EIF4A2: variants seen among roughly 807,000 people sequenced by gnomAD.
The protein encoded by EIF4A2 is eukaryotic translation initiation factor 4A2.
EIF4A2 carries 9 observed loss-of-function variants against 50.6 expected under a neutral mutation model. The ratio of observed to expected loss-of-function variants is 0.18; its 90% CI spans 0.11 to 0.31. EIF4A2 has a LOEUF of 0.31. Ranked by LOEUF, EIF4A2 falls within the 10% of genes least tolerant of loss-of-function variation. The probability of loss-of-function intolerance (pLI) is 1.00; values close to 1 mark genes in which losing one functional copy is unlikely to be tolerated. For synonymous variants in EIF4A2, 215 were observed against 164.4 expected (o/e 1.31, Z -2.35); for missense variants, 182 against 501.8 (o/e 0.36, Z 6.09).
At chr3:186,788,864 C>T (rs1721948972) in intron 10 of EIF4A2, 2 of 404,278 alleles carry the variant, frequency 4.9e-6, no homozygotes, top group Non-Finnish European at 8.8e-6. Flanking sequence ...AAACACGATA[C>T]TGTCATCTGC....
chr3:186,789,001 A>C, intron 10 of EIF4A2, 124 bp from the exon 11 acceptor site: 1 of 1,355,794 alleles, frequency 7.4e-7, no homozygotes. Flanking sequence ...CTAGTGCTCC[A>C]GTTAGAAGCA....
chr3:186,787,915 A>G (rs1481031420), intron 10 of EIF4A2, 33 bp downstream of exon 10: 3 of 1,606,840 alleles, frequency 1.9e-6, no homozygotes, highest in Non-Finnish European at 2.6e-6. Flanking sequence ...GTATTGAAAA[A>G]AATTCATACG....
chr3:186,787,055 C>G (rs1003188684), intron 7 of EIF4A2, 72 bp from the exon 8 acceptor site: 27 of 1,594,156 alleles, frequency 1.7e-5, no homozygotes, highest in African/African-American at 1.3e-5. Context: ...CTGTGGCTGG[C>G]CCAGAATGAA....
intron 7 of EIF4A2, 26 bp from the exon 8 acceptor site, chr3:186,787,101 T>C (rs774108248): frequency 6.2e-7 from 1 of 1,611,708 alleles, no homozygotes; most frequent in Non-Finnish European, 8.5e-7. Context: ...TAAATGACTG[T>C]TAACTTTAAC....
intron 7 of EIF4A2, chr3:186,786,899 T>C: frequency 1.1e-6 from 1 of 880,832 alleles, no homozygotes; most frequent in Non-Finnish European, 1.9e-6. Context: ...TTCTACGTTT[T>C]GAGACTGGGT....
intron 10 of EIF4A2, 155 bp downstream of exon 10, chr3:186,788,037 TGAG>T: frequency 1.1e-6 from 1 of 873,256 alleles, no homozygotes; most frequent in South Asian, 1.8e-5. Context: ...GGAAGGTTGA[TGAG>T]AACAAAGTGG....
At chr3:186,788,187 T>A (rs1579167282) in intron 10 of EIF4A2, 1 of 840,264 alleles carries the variant, frequency 1.2e-6, no homozygotes, top group African/African-American at 1.8e-5. Flanking sequence ...TAGTTGGGAT[T>A]TTCTTGGTGT....
chr3:186,784,178 T>G, intron 1 of EIF4A2: 2 of 568,222 alleles, frequency 3.5e-6, no homozygotes, highest in Non-Finnish European at 6.2e-6. Flanking sequence ...AGTTCGGCGC[T>G]CCGAGCTCTC....
chr3:186,787,997 A>G, intron 10 of EIF4A2, 115 bp downstream of exon 10: 3 of 1,114,444 alleles, frequency 2.7e-6, no homozygotes, highest in Middle Eastern at 2.0e-4. Flanking sequence ...AGTAGTGTTC[A>G]GTAAGATGAT....
rs774265072 is a variant in EIF4A2 at position 186,786,035 on chromosome 3, A to T, written c.501A>T (p.Leu167Phe). The T allele has an allele frequency of 6.2e-7, 1 of 1,605,608 alleles. No individual in the cohort carries two copies. Among genetic ancestry groups the T allele is most frequent in the Non-Finnish European group, 8.5e-7 (1 of 1,172,574 alleles). The stretch of plus-strand genomic sequence containing the variant: ...CACCCGGGAGAGTGTTTGATATGTT[A>T]AACAGAAGATACCTTTGTAAGTATT... ...VGTPGRVFDM[L>F]NRRYLSPKWI... Residue 167 changes from leucine (L) to phenylalanine (F), a missense_variant, in exon 5 of 11, where the codon TTA becomes TTT. Around this residue, in one of 7 missense-constraint regions of EIF4A2, gnomAD observed 113 missense variants for 357.3 expected, o/e 0.32. Coordinates refer to ENST00000323963, the MANE Select transcript of EIF4A2 (RefSeq NM_001967.4).
chr3:186,786,147 G>T lies in EIF4A2; in HGVS notation c.518-17G>T. The T allele has an allele frequency of 6.2e-7, 1 of 1,611,664 alleles. No individual in the cohort carries two copies. Among genetic ancestry groups the T allele is most frequent in the South Asian group, 1.1e-5 (1 of 90,866 alleles). ...TGAGTAGATCTAGAAATGACAGTATGACTTTGTTTCTAACAGCTCCAAAAT... is the reference window on the plus strand; with the variant it reads ...TGAGTAGATCTAGAAATGACAGTATTACTTTGTTTCTAACAGCTCCAAAAT... On this transcript the variant is annotated splice_polypyrimidine_tract_variant and intron_variant, in intron 5 of 10. Transcript: ENST00000323963.
chr3:186,789,749 AG>A lies in EIF4A2; in HGVS notation c.*481del. 2.1e-6 allele frequency: 1 copy of A among 471,912 alleles called. No individual in the cohort carries two copies. Among genetic ancestry groups the A allele is most frequent in the South Asian group, 3.3e-5 (1 of 29,868 alleles). 29.2% of individuals were successfully genotyped at this position (471,912 alleles called of 1,614,324 possible). ...GTTTGGTATTGTATTTATTCAATAA[AG>A]TATTTAATTAGTGCTAAGTGTGAAC... On this transcript the variant is annotated 3_prime_UTR_variant, in exon 11 of 11. Transcript: ENST00000323963.
rs554277051 is a variant in EIF4A2, at chr3:186,789,055, A to G, written c.1080-70A>G. On this transcript the variant is annotated intron_variant, in intron 10 of 10. Transcript: ENST00000323963. Reference sequence around the variant, plus strand: ...AGTAAACAGCAGCTGGTGGTTAACAAGTGGATCGTCATGTTCAGTAGTTTA... The same window carrying G: ...AGTAAACAGCAGCTGGTGGTTAACAGGTGGATCGTCATGTTCAGTAGTTTA... The G allele has an allele frequency of 6.4e-5, 98 of 1,520,524 alleles. 4 individuals are homozygous for G. The South Asian group carries it at 1.2e-3, about 19-fold the overall frequency. 94.2% of individuals were successfully genotyped at this position (1,520,524 alleles called of 1,614,324 possible).
intron 1 of EIF4A2, chr3:186,783,885 C>T (rs1721518838): frequency 1.7e-6 from 1 of 581,702 alleles, no homozygotes; most frequent in Non-Finnish European, 3.0e-6. Context: ...ACTTCGGCTG[C>T]TTTCCTTCCC....
intron 1 of EIF4A2, chr3:186,783,952 C>G (rs549156791): frequency 4.3e-6 from 2 of 469,756 alleles, no homozygotes; most frequent in South Asian, 2.8e-5. Flanking sequence ...GAGTTCGGTA[C>G]ACTGTAACCA....
At position 186,787,107 on chromosome 3, in the gene EIF4A2, T is replaced by C. The variant is rs1227913190; in HGVS notation, c.772-20T>C. The C allele has an allele frequency of 6.2e-7, 1 of 1,612,296 alleles. No individual in the cohort carries two copies. Among genetic ancestry groups the C allele is most frequent in the Admixed American group, 1.7e-5 (1 of 59,958 alleles). ...TGGAAAAACTAAATGACTGTTAACT[T>C]TAACTTCTAAACATTACAGGAATGG... On this transcript the variant is annotated intron_variant, in intron 7 of 10. Coordinates refer to ENST00000323963, the MANE Select transcript of EIF4A2 (RefSeq NM_001967.4).
intron 1 of EIF4A2, 80 bp from the exon 2 acceptor site, chr3:186,784,352 G>A: frequency 1.2e-6 from 2 of 1,603,198 alleles, no homozygotes; most frequent in East Asian, 2.2e-5. Flanking sequence ...GTGCTGAGAC[G>A]GGTTGCAAAG....
rs1254534385 is a variant in EIF4A2, at chr3:186,783,605, C to CT, written c.-6_-5insT. 8 of 1,613,968 alleles carry CT rather than the reference C, an allele frequency of 5.0e-6. No individual in the cohort carries two copies. The highest frequency in any genetic ancestry group is 6.8e-6 in the Non-Finnish European group (8 of 1,180,022). On this transcript the variant is annotated 5_prime_UTR_variant, in exon 1 of 11. Coordinates refer to ENST00000323963, the MANE Select transcript of EIF4A2 (RefSeq NM_001967.4). ...TTCAGTCGGGCGCTGAGTGGTTTTT[C>CT]GGATCATGTCTGGTGGCTCCGCGGA... is the stretch of plus-strand genomic sequence containing the variant.
intron 4 of EIF4A2, 47 bp from the exon 5 acceptor site, chr3:186,785,836 A>T (rs768564663): frequency 6.4e-7 from 1 of 1,561,672 alleles, no homozygotes; most frequent in Non-Finnish European, 8.7e-7. Flanking sequence ...AAAATTAGTC[A>T]TTGATCCTGG....
Sources: allele counts gnomAD v4.1 joint callset, GRCh38; gene constraint gnomAD v4.1.1; regional missense constraint gnomAD v4.1.1; transcripts MANE v1.5; gene names NCBI Gene and HGNC (gene_info 2026-07-23, HGNC 2026-07-21).